The following ARK2N variants were observed in gnomAD, a reference collection of about 807,000 sequenced individuals.
ARK2N encodes arkadia (RNF111) N-terminal like PKA signaling regulator 2N.
At chr18:46,229,126 A>G in the ARK2N span, among the ~76,000 whole-genome samples, 5 of 152,192 alleles carry the variant, frequency 3.3e-5, no homozygotes, top group Non-Finnish European at 7.3e-5. Flanking sequence ...GGAGTAATTT[A>G]TAACAGAATC....
chr18:46,212,990 A>ATTTTTTTTTTTTTT, the ARK2N span, among the ~76,000 whole-genome samples: 1 of 80,520 alleles, frequency 1.2e-5, no homozygotes, highest in Admixed American at 1.7e-4. Context: ...TTTAAGAAGA[A>ATTTTTTTTTTTTTT]TTTTTTTTTT....
chr18:46,176,847 C>T, the ARK2N span, among the ~76,000 whole-genome samples: 1 of 152,132 alleles, frequency 6.6e-6, no homozygotes, highest in East Asian at 1.9e-4. Context: ...GAACTCCTGA[C>T]CTCAGGCAAT....
the ARK2N span, among the ~76,000 whole-genome samples, chr18:46,260,392 G>C: frequency 1.3e-5 from 2 of 152,152 alleles, no homozygotes; most frequent in Admixed American, 6.5e-5. Flanking sequence ...ACATTCTCCA[G>C]ATAATCTAAA....
chr18:46,228,075 T>G, the ARK2N span, among the ~76,000 whole-genome samples: 1 of 152,200 alleles, frequency 6.6e-6, no homozygotes, highest in Non-Finnish European at 1.5e-5. Flanking sequence ...AGTGCAACAT[T>G]GGTTAACTAT....
At chr18:46,222,917 G>T in the ARK2N span, among the ~76,000 whole-genome samples, 10 of 152,076 alleles carry the variant, frequency 6.6e-5, no homozygotes, top group African/African-American at 2.4e-4. Flanking sequence ...GTTCACTCTT[G>T]GTGTTGTAAG....
At chr18:46,248,781 C>T in the ARK2N span, among the ~76,000 whole-genome samples, 1 of 152,146 alleles carries the variant, frequency 6.6e-6, no homozygotes, top group Non-Finnish European at 1.5e-5. Context: ...GATGGGGTTT[C>T]ACTCTGTTGG....
the ARK2N span, among the ~76,000 whole-genome samples, chr18:46,205,824 C>T: frequency 1.3e-5 from 2 of 152,158 alleles, no homozygotes; most frequent in African/African-American, 2.4e-5. Flanking sequence ...CCCGTGGGCT[C>T]ACACCATCCT....
chr18:46,180,260 C>CT, the ARK2N span, among the ~76,000 whole-genome samples: 1 of 152,116 alleles, frequency 6.6e-6, no homozygotes, highest in Non-Finnish European at 1.5e-5. Context: ...ATTTTAAAAC[C>CT]TACCTAAATG....
chr18:46,211,780 T>G, the ARK2N span, among the ~76,000 whole-genome samples: 4 of 152,154 alleles, frequency 2.6e-5, no homozygotes, highest in East Asian at 5.8e-4. Context: ...GGAAAAATGT[T>G]GTGTATTTAT....
At chr18:46,200,488 AG>A in the ARK2N span, among the ~76,000 whole-genome samples, 287 of 152,156 alleles carry the variant, frequency 1.9e-3, 2 homozygotes, top group Middle Eastern at 0.02. Flanking sequence ...TTGTGTTTTT[AG>A]TAGAAATGGG....
the ARK2N span, among the ~76,000 whole-genome samples, chr18:46,248,985 A>G: frequency 6.6e-6 from 1 of 152,022 alleles, no homozygotes; most frequent in Non-Finnish European, 1.5e-5. Context: ...GTCCTTCCCT[A>G]TCAAGCCTAT....
chr18:46,202,795 T>TA, the ARK2N span, among the ~76,000 whole-genome samples: 1 of 111,306 alleles, frequency 9.0e-6, no homozygotes, highest in African/African-American at 3.4e-5. Flanking sequence ...CGCAAAAAAA[T>TA]AAAAATTAAA....
chr18:46,244,601 A>ACTT, the ARK2N span, among the ~76,000 whole-genome samples: 2 of 93,840 alleles, frequency 2.1e-5, no homozygotes, highest in Non-Finnish European at 4.0e-5. Flanking sequence ...AAGAGTTTAG[A>ACTT]TTTTTTTTTT....
At chr18:46,208,541 C>A in the ARK2N span, among the ~76,000 whole-genome samples, 1 of 139,054 alleles carries the variant, frequency 7.2e-6, no homozygotes, top group East Asian at 2.2e-4. Context: ...GTGATCTCGG[C>A]TCACTGCAGC....
At chr18:46,240,004 G>T in the ARK2N span, 4 of 1,613,742 alleles carry the variant, frequency 2.5e-6, no homozygotes, top group Non-Finnish European at 3.4e-6. Context: ...TTCCTCCCTA[G>T]ATGGACCTCC....
At chr18:46,181,534 G>A in the ARK2N span, among the ~76,000 whole-genome samples, 1 of 151,972 alleles carries the variant, frequency 6.6e-6, no homozygotes, top group South Asian at 2.1e-4. Flanking sequence ...CTAACGTGGT[G>A]AAACCCCGTC....
the ARK2N span, among the ~76,000 whole-genome samples, chr18:46,240,883 A>G: frequency 6.6e-6 from 1 of 152,204 alleles, no homozygotes; most frequent in Non-Finnish European, 1.5e-5. Context: ...TTCTTTCAGC[A>G]TTCTAATTTA....
the ARK2N span, among the ~76,000 whole-genome samples, chr18:46,260,336 T>C: frequency 8.5e-5 from 13 of 152,218 alleles, no homozygotes; most frequent in Non-Finnish European, 1.3e-4. Context: ...TGTACAACTA[T>C]TAATAATTAG....
At chr18:46,241,348 A>T in the ARK2N span, among the ~76,000 whole-genome samples, 2 of 152,100 alleles carry the variant, frequency 1.3e-5, no homozygotes, top group African/African-American at 4.8e-5. Flanking sequence ...TTCAGTTTTT[A>T]TATGTATAAA....
Sources: allele counts gnomAD v4.1 joint callset (sites outside exome capture counted in the v4.1 genomes callset), GRCh38; gene constraint gnomAD v4.1.1; transcripts MANE v1.5; gene names NCBI Gene and HGNC (gene_info 2026-07-23, HGNC 2026-07-21).